SORCS1: variants seen among roughly 807,000 people sequenced by gnomAD.
SORCS1 encodes the protein sortilin related VPS10 domain containing receptor 1.
SORCS1 carries 60 observed loss-of-function variants against 146.1 expected under a neutral mutation model. That is an observed-to-expected ratio of 0.41 (90% CI 0.33 to 0.51). SORCS1 has a LOEUF of 0.51. SORCS1 is among the 20% of genes least tolerant of loss of function. The pLI is 0.21. For missense variants in SORCS1, 1,352 were observed against 1,487.6 expected (o/e 0.91, Z 1.50); for synonymous variants, 637 against 584.0 (o/e 1.09, Z -1.31).
At chr10:106,829,159 A>G (rs563826935) in intron 3 of SORCS1, among the ~76,000 whole-genome samples, 1 of 152,350 alleles carries the variant, frequency 6.6e-6, no homozygotes, top group East Asian at 1.9e-4. Context: ...GCTGCAGGAC[A>G]ATGCATTCAC....
At chr10:107,059,480 A>G (rs1384226525) in intron 1 of SORCS1, among the ~76,000 whole-genome samples, 1 of 152,218 alleles carries the variant, frequency 6.6e-6, no homozygotes. Context: ...CAAAGGCTCT[A>G]TGCTGCCTGG....
chr10:106,968,082 T>A (rs541381047), intron 1 of SORCS1, among the ~76,000 whole-genome samples: 1 of 146,218 alleles, frequency 6.8e-6, no homozygotes, highest in Non-Finnish European at 1.5e-5. Flanking sequence ...TGGTGGCGGG[T>A]GCCTGTAGTC....
intron 3 of SORCS1, among the ~76,000 whole-genome samples, chr10:106,801,387 T>A (rs536867697): frequency 1.3e-5 from 2 of 152,276 alleles, no homozygotes; most frequent in Admixed American, 6.5e-5. Context: ...TCTATTTTTT[T>A]TACTAATTTA....
chr10:106,717,972 T>C (rs1855499261), intron 6 of SORCS1, among the ~76,000 whole-genome samples: 1 of 152,236 alleles, frequency 6.6e-6, no homozygotes, highest in Admixed American at 6.5e-5. Flanking sequence ...TCATGGCCTA[T>C]TTAGTCCTCT....
chr10:106,701,438 G>A (rs1854131503), intron 8 of SORCS1, among the ~76,000 whole-genome samples: 1 of 152,184 alleles, frequency 6.6e-6, no homozygotes, highest in Non-Finnish European at 1.5e-5. Flanking sequence ...AATATGACAT[G>A]TTTCTGGAAT....
intron 5 of SORCS1, among the ~76,000 whole-genome samples, chr10:106,746,383 C>A (rs562339627): frequency 1.3e-5 from 2 of 152,292 alleles, no homozygotes; most frequent in Admixed American, 6.5e-5. Flanking sequence ...GAAAAAAATC[C>A]TATGCCCAAA....
chr10:106,657,571 T>C (rs1439734218), intron 17 of SORCS1, among the ~76,000 whole-genome samples: 11 of 151,750 alleles, frequency 7.2e-5, no homozygotes, highest in Admixed American at 6.6e-4. Context: ...AATCCATCCA[T>C]GTAACCGAAG....
chr10:106,767,786 C>T (rs74501229), intron 4 of SORCS1, among the ~76,000 whole-genome samples: 3,595 of 152,260 alleles, frequency 0.024, 91 homozygotes, highest in East Asian at 0.11. Flanking sequence ...CCACCACGCC[C>T]GGCCCCTTAA....
chr10:106,928,145 G>C (rs951751346), intron 2 of SORCS1, among the ~76,000 whole-genome samples: 2 of 152,236 alleles, frequency 1.3e-5, no homozygotes, highest in Non-Finnish European at 1.5e-5. Context: ...ACTGGGCGCC[G>C]TGGAGCAGGC....
intron 7 of SORCS1, among the ~76,000 whole-genome samples, chr10:106,707,262 C>G (rs1854601413): frequency 6.6e-6 from 1 of 151,616 alleles, no homozygotes; most frequent in South Asian, 2.1e-4. Context: ...TATCTCGGCT[C>G]ACTGCAACCT....
intron 1 of SORCS1, among the ~76,000 whole-genome samples, chr10:107,005,226 G>C (rs572166778): frequency 2.8e-4 from 42 of 152,114 alleles, no homozygotes; most frequent in African/African-American, 1.0e-3. Flanking sequence ...TTGGGAGGCT[G>C]GGGTGAGAGA....
chr10:106,902,905 T>C (rs7074727), intron 2 of SORCS1, among the ~76,000 whole-genome samples: 12,202 of 152,116 alleles, frequency 0.08, 1,080 homozygotes, highest in African/African-American at 0.21. Context: ...GGTGAAACCG[T>C]GCCTCTACTA....
intron 1 of SORCS1, among the ~76,000 whole-genome samples, chr10:107,084,330 G>A (rs1336568807): frequency 6.7e-6 from 1 of 148,516 alleles, no homozygotes; most frequent in Non-Finnish European, 1.5e-5. Flanking sequence ...GTCTCCATCT[G>A]CTGACCTCGT....
chr10:107,176,504 T>C, the SORCS1 span, among the ~76,000 whole-genome samples: 1 of 151,948 alleles, frequency 6.6e-6, no homozygotes, highest in Non-Finnish European at 1.5e-5. Flanking sequence ...CCTGGCTAAT[T>C]TTTTTCAGTT....
At chr10:107,079,684 C>T (rs1057275921) in intron 1 of SORCS1, among the ~76,000 whole-genome samples, 1 of 152,170 alleles carries the variant, frequency 6.6e-6, no homozygotes, top group Non-Finnish European at 1.5e-5. Flanking sequence ...GCCACAGATA[C>T]TTCAGAAGCA....
At chr10:107,097,444 G>A (rs563392246) in intron 1 of SORCS1, among the ~76,000 whole-genome samples, 1 of 152,248 alleles carries the variant, frequency 6.6e-6, no homozygotes, top group Admixed American at 6.5e-5. Context: ...GTGTGTCATA[G>A]GATGGCAGTT....
chr10:106,612,318 C>A (rs888673532), intron 21 of SORCS1, among the ~76,000 whole-genome samples: 25 of 146,092 alleles, frequency 1.7e-4, no homozygotes, highest in African/African-American at 6.1e-4. Context: ...AGGAGACCAC[C>A]CCCCCAGACT....
chr10:106,635,680 T>C (rs563305292), intron 18 of SORCS1, among the ~76,000 whole-genome samples: 1 of 152,258 alleles, frequency 6.6e-6, no homozygotes, highest in African/African-American at 2.4e-5. Flanking sequence ...ACTATTACTA[T>C]AAATATTTAA....
At chr10:107,132,549 G>A (rs530499586) in intron 1 of SORCS1, among the ~76,000 whole-genome samples, 2 of 152,282 alleles carry the variant, frequency 1.3e-5, no homozygotes, top group Middle Eastern at 6.8e-3. Context: ...CTTGTTTCTT[G>A]ATTCGATAAT....
Sources: gnomAD v4.1 joint callset for allele counts (sites outside exome capture counted in the v4.1 genomes callset) on GRCh38, gnomAD v4.1.1 for gene constraint, MANE v1.5 for transcripts, NCBI Gene and HGNC (gene_info 2026-07-23, HGNC 2026-07-21) for gene names.